The following GRB2 variants were observed in gnomAD, a reference collection of about 807,000 sequenced individuals.
The protein encoded by GRB2 is growth factor receptor bound protein 2.
GRB2 carries 2 observed loss-of-function variants against 27.4 expected under a neutral mutation model. The observed-to-expected ratio is 0.07, with a 90% CI of 0.03 to 0.23. The LOEUF (loss-of-function observed/expected upper bound fraction) is 0.23, where lower values mean the gene tolerates loss of function less well. Ranked by LOEUF, GRB2 falls within the 10% of genes least tolerant of loss-of-function variation. The probability of loss-of-function intolerance (pLI) is 1.00; values close to 1 mark genes in which losing one functional copy is unlikely to be tolerated. For missense variants in GRB2, 102 were observed against 282.4 expected (o/e 0.36, Z 4.58); for synonymous variants, 94 against 99.6 (o/e 0.94, Z 0.33).
chr17:75,367,688 AC>A (rs2078828664), intron 2 of GRB2, among the ~76,000 whole-genome samples: 2 of 152,202 alleles, frequency 1.3e-5, no homozygotes, highest in African/African-American at 4.8e-5. Flanking sequence ...TTTTAGTCAA[AC>A]TTTTTCCTAT....
chr17:75,336,540 T>G (rs1216481591), intron 2 of GRB2, among the ~76,000 whole-genome samples: 2 of 152,164 alleles, frequency 1.3e-5, no homozygotes, highest in African/African-American at 4.8e-5. Context: ...TCTCTTCTTG[T>G]CACCTTTACC....
rs933151835 is a variant in GRB2, at chr17:75,383,939, C to T, written c.78+9612G>A. Reference sequence around the variant, plus strand: ...CCCAGGAAGGTAGGAAACTATTGTTCCCATTTTACAGATGTCAGAACCAAA... The same window carrying T: ...CCCAGGAAGGTAGGAAACTATTGTTTCCATTTTACAGATGTCAGAACCAAA... On this transcript the variant is annotated intron_variant, in intron 2 of 5. Transcript: ENST00000316804. Among the ~76,000 whole-genome samples, 5 of 152,140 alleles carry T rather than the reference C, an allele frequency of 3.3e-5. No homozygotes were observed. The South Asian group carries it at 6.2e-4, about 19-fold the overall frequency.
intron 2 of GRB2, among the ~76,000 whole-genome samples, chr17:75,342,800 G>A (rs76953099): frequency 9.2e-5 from 14 of 152,190 alleles, no homozygotes; most frequent in Non-Finnish European, 1.9e-4. Context: ...TAAAATTTCA[G>A]CACTCCAGGA....
chr17:75,320,604 G>GGCCACCTCCGAGGC lies in GRB2; in HGVS notation c.469-65_469-52dup. 6.9e-7 allele frequency: 1 copy of GGCCACCTCCGAGGC among 1,448,814 alleles called. No individual in the cohort carries two copies. Among genetic ancestry groups the GGCCACCTCCGAGGC allele is most frequent in the Non-Finnish European group, 9.7e-7 (1 of 1,034,454 alleles). The allele number at this position is 1,448,814 out of a possible 1,614,324, so 89.7% of individuals were successfully genotyped here. A position where few individuals can be genotyped will look rare whatever the true frequency, so the allele number is the denominator to read the frequency against. On this transcript the variant is annotated intron_variant, in intron 5 of 5. Transcript: ENST00000316804. The surrounding 1 kb of genome is among the most constrained non-coding windows in gnomAD (Gnocchi z 4.3). Reference sequence around the variant, plus strand: ...CACATTGCATTCCTGGTCTGTGACTGGCCACCTCCGAGGCCAGATGGGTTC... The same window carrying GGCCACCTCCGAGGC: ...CACATTGCATTCCTGGTCTGTGACTGGCCACCTCCGAGGCGCCACCTCCGAGGCCAGATGGGTTC...
At chr17:75,368,323 A>G (rs1422672743) in intron 2 of GRB2, among the ~76,000 whole-genome samples, 1 of 147,730 alleles carries the variant, frequency 6.8e-6, no homozygotes, top group East Asian at 2.0e-4. Flanking sequence ...TCAAGCGATT[A>G]TCCTGCCTCA....
At position 75,321,169 on chromosome 17, in the gene GRB2, C is replaced by CTT. The variant is rs61287852; in HGVS notation, c.468+488_468+489dup. On this transcript the variant is annotated intron_variant, in intron 5 of 5. Coordinates refer to ENST00000316804, the MANE Select transcript of GRB2 (RefSeq NM_002086.5). ...AAACCTTGTATTTGAAACAACAAAT[C>CTT]TTTTTTTTTTTTTTTTTTTTTTTTT... 3.3e-3 allele frequency among the ~76,000 whole-genome samples: 401 copies of CTT among 120,014 alleles called. 31 individuals carry two copies. Among genetic ancestry groups the CTT allele is most frequent in the African/African-American group, 0.013 (346 of 26,620 alleles). 78.7% of individuals were successfully genotyped at this position (120,014 alleles called of 152,430 possible).
intron 2 of GRB2, among the ~76,000 whole-genome samples, chr17:75,374,607 A>T (rs954778596): frequency 6.9e-6 from 1 of 145,506 alleles, no homozygotes; most frequent in East Asian, 2.0e-4. Flanking sequence ...GCCTGTAGTC[A>T]CACACACACA....
At chr17:75,401,838 T>C (rs2079065846) in intron 1 of GRB2, among the ~76,000 whole-genome samples, 1 of 152,246 alleles carries the variant, frequency 6.6e-6, no homozygotes, top group Non-Finnish European at 1.5e-5. Context: ...AGCTAACTAA[T>C]TATCCACTAT....
At chr17:75,348,918 C>T (rs943919220) in intron 2 of GRB2, among the ~76,000 whole-genome samples, 1 of 152,130 alleles carries the variant, frequency 6.6e-6, no homozygotes, top group Non-Finnish European at 1.5e-5. Flanking sequence ...TCAAGCAATC[C>T]GCCCACCTCA....
At chr17:75,359,853 T>C (rs531416141) in intron 2 of GRB2, among the ~76,000 whole-genome samples, 1 of 152,280 alleles carries the variant, frequency 6.6e-6, no homozygotes, top group Admixed American at 6.5e-5. Context: ...ATTGAACTAC[T>C]TGTGGGTAGT....
rs1163111078 is a variant in GRB2 at position 75,318,770 on chromosome 17, G to GA, written c.*1597dup. 3 of 152,234 alleles carry GA rather than the reference G, an allele frequency of 2.0e-5. No homozygotes were observed. In the East Asian group the frequency reaches 5.8e-4, roughly 29 times the overall value. The allele number at this position is 152,234 out of a possible 1,614,324, so 9.4% of individuals were successfully genotyped here. On this transcript the variant is annotated 3_prime_UTR_variant, in exon 6 of 6. Transcript: ENST00000316804. ...TCACACTCACCTGGACAGGTCAGGGGACACAGGATGAAAGCCATGGCCCAA... is the reference window on the plus strand; with the variant it reads ...TCACACTCACCTGGACAGGTCAGGGGAACACAGGATGAAAGCCATGGCCCAA...
chr17:75,350,426 C>T (rs1370642974), intron 2 of GRB2, among the ~76,000 whole-genome samples: 1 of 152,186 alleles, frequency 6.6e-6, no homozygotes, highest in Non-Finnish European at 1.5e-5. Flanking sequence ...TGTATGAAAG[C>T]ACATCTTGGG....
In GRB2 at chr17:75,353,164, G is replaced by A. The variant is rs556145390; in HGVS notation, c.79-20367C>T. Among the ~76,000 whole-genome samples the A allele has an allele frequency of 1.3e-3, 181 of 136,730 alleles. 1 individual carries two copies. Among genetic ancestry groups the A allele is most frequent in the African/African-American group, 4.4e-3 (172 of 38,752 alleles). The allele number at this position is 136,730 out of a possible 152,430, so 89.7% of individuals were successfully genotyped here. The stretch of plus-strand genomic sequence containing the variant: ...CGCGCCACTGCACTTCAGCCTGGGC[G>A]ACAGAGCAAGACTCCGTCTCAAAAA... On this transcript the variant is annotated intron_variant, in intron 2 of 5. Coordinates refer to ENST00000316804, the MANE Select transcript of GRB2 (RefSeq NM_002086.5).
At chr17:75,403,665 G>A (rs146562536) in intron 1 of GRB2, among the ~76,000 whole-genome samples, 56 of 152,254 alleles carry the variant, frequency 3.7e-4, no homozygotes, top group African/African-American at 1.3e-3. Context: ...TCGGGAGTGC[G>A]AGGCAGGAGA....
intron 2 of GRB2, among the ~76,000 whole-genome samples, chr17:75,338,199 G>C (rs1365988443): frequency 6.6e-6 from 1 of 152,016 alleles, no homozygotes; most frequent in Non-Finnish European, 1.5e-5. Context: ...TGAGTAGCTA[G>C]GATTACAGGC....
chr17:75,398,861 C>G (rs1452376535), intron 1 of GRB2, among the ~76,000 whole-genome samples: 4 of 152,090 alleles, frequency 2.6e-5, no homozygotes, highest in Non-Finnish European at 4.4e-5. Flanking sequence ...GATTCTCCTG[C>G]CTCAGCCTCC....
intron 2 of GRB2, among the ~76,000 whole-genome samples, chr17:75,354,263 T>TGG (rs1567864947): frequency 1.3e-4 from 2 of 15,706 alleles, no homozygotes; most frequent in South Asian, 5.8e-3. Context: ...GTCTTTTTTT[T>TGG]TGGGGGGGGG....
At chr17:75,356,038 T>G (rs1192873735) in intron 2 of GRB2, among the ~76,000 whole-genome samples, 2 of 151,912 alleles carry the variant, frequency 1.3e-5, no homozygotes, top group Admixed American at 6.6e-5. Context: ...GTCACCATGT[T>G]GCCCAGGCTG....
chr17:75,322,977 G>T (rs1262701996), intron 4 of GRB2, among the ~76,000 whole-genome samples: 1 of 152,026 alleles, frequency 6.6e-6, no homozygotes, highest in Admixed American at 6.6e-5. Flanking sequence ...AAATTAGCCA[G>T]GTGTGGTGGC....
Sources: gnomAD v4.1 joint callset for allele counts (sites outside exome capture counted in the v4.1 genomes callset) on GRCh38, gnomAD v4.1.1 for gene constraint, Gnocchi (gnomAD v3.1) non-coding constraint, MANE v1.5 for transcripts, NCBI Gene and HGNC (gene_info 2026-07-23, HGNC 2026-07-21) for gene names.